Variants in GANC observed in about 807,000 individuals in gnomAD.
GANC encodes the protein neutral alpha-glucosidase C.
A neutral mutation model predicts 124.2 loss-of-function variants in GANC; 117 were observed. The ratio of observed to expected loss-of-function variants is 0.94; its 90% CI spans 0.81 to 1.10. The LOEUF (loss-of-function observed/expected upper bound fraction) is 1.10, where lower values mean the gene tolerates loss of function less well. Ranked by LOEUF, GANC falls within the 50% of genes least tolerant of loss-of-function variation. GANC has a pLI of 0.00. For synonymous variants in GANC, 377 were observed against 376.8 expected (o/e 1.00, Z -0.01); for missense variants, 1,140 against 1,095.0 (o/e 1.04, Z -0.58).
intron 15 of GANC, among the ~76,000 whole-genome samples, chr15:42,331,649 C>T (rs1419903561): frequency 1.3e-5 from 2 of 152,102 alleles, no homozygotes; most frequent in Admixed American, 6.5e-5. Context: ...CAATCTCAGG[C>T]AAAGATTCAT....
chr15:42,337,742 A>T (rs774258117), intron 15 of GANC, among the ~76,000 whole-genome samples: 1 of 152,184 alleles, frequency 6.6e-6, no homozygotes. Flanking sequence ...TGAGCAAAAG[A>T]TTTCTATAGA....
At chr15:42,323,052 T>G (rs993404719) in intron 11 of GANC, among the ~76,000 whole-genome samples, 1 of 152,236 alleles carries the variant, frequency 6.6e-6, no homozygotes, top group Admixed American at 6.5e-5. Flanking sequence ...TATCAAGCTG[T>G]TATGGGCTAG....
At chr15:42,304,422 C>T (rs2051974522) in intron 6 of GANC, among the ~76,000 whole-genome samples, 1 of 152,058 alleles carries the variant, frequency 6.6e-6, no homozygotes, top group Admixed American at 6.6e-5. Context: ...ATGTAAAGGA[C>T]CTCTTCAAGG....
rs530389628 is a variant in GANC, at chr15:42,327,896, C to G, written c.1500+454C>G. Among the ~76,000 whole-genome samples the G allele has an allele frequency of 2.0e-4, 31 of 152,214 alleles. 1 individual carries two copies. In the South Asian group the frequency reaches 6.4e-3, roughly 32 times the overall value. ...CCACATCTGGAGAACTGTTTTCAACCAATTATGATGATATTAATGATGGCA... is the reference window on the plus strand; with the variant it reads ...CCACATCTGGAGAACTGTTTTCAACGAATTATGATGATATTAATGATGGCA... On this transcript the variant is annotated intron_variant, in intron 13 of 23. Coordinates refer to ENST00000318010, the MANE Select transcript of GANC (RefSeq NM_198141.3).
intron 6 of GANC, among the ~76,000 whole-genome samples, chr15:42,298,336 G>A (rs2051911232): frequency 6.6e-6 from 1 of 152,186 alleles, no homozygotes; most frequent in Admixed American, 6.5e-5. Context: ...ACGCAGGGCA[G>A]TGCTGTGGAA....
At chr15:42,330,498 T>G (rs1001767049) in intron 14 of GANC, 78 bp from the exon 15 acceptor site, 27 of 958,344 alleles carry the variant, frequency 2.8e-5, no homozygotes, top group Non-Finnish European at 4.5e-5. Context: ...GTTTGCTTTT[T>G]GTATGTTAGA....
chr15:42,339,045 G>A (rs559755298), intron 16 of GANC, among the ~76,000 whole-genome samples: 7 of 152,254 alleles, frequency 4.6e-5, no homozygotes, highest in Admixed American at 1.3e-4. Flanking sequence ...GGCTCAAGAT[G>A]GCTGCAGTTC....
chr15:42,293,874 C>A (rs994959253), intron 5 of GANC, among the ~76,000 whole-genome samples: 1 of 151,298 alleles, frequency 6.6e-6, no homozygotes, highest in Non-Finnish European at 1.5e-5. Flanking sequence ...CATGGTGAAA[C>A]CCTGTCCTAC....
intron 15 of GANC, among the ~76,000 whole-genome samples, chr15:42,337,728 T>A (rs984683753): frequency 6.6e-6 from 1 of 152,182 alleles, no homozygotes; most frequent in Non-Finnish European, 1.5e-5. Flanking sequence ...ATATTTTTTT[T>A]AAATGAGCAA....
chr15:42,284,029 C>T (rs765628760), intron 3 of GANC: 8 of 701,662 alleles, frequency 1.1e-5, no homozygotes, highest in East Asian at 5.4e-5. Flanking sequence ...CTCTGGATCC[C>T]GGGAGGTCTT....
intron 3 of GANC, among the ~76,000 whole-genome samples, chr15:42,286,509 A>T (rs780669725): frequency 2.6e-5 from 4 of 152,252 alleles, no homozygotes; most frequent in Admixed American, 6.5e-5. Context: ...ATTGTACGCT[A>T]AAAGTAGTTT....
chr15:42,339,680 G>A lies in GANC; in HGVS notation c.1855G>A (p.Gly619Arg), dbSNP rs758930000. The A allele has an allele frequency of 1.9e-5, 30 of 1,612,428 alleles. No homozygotes were observed. Among genetic ancestry groups the A allele is most frequent in the Admixed American group, 6.7e-5 (4 of 59,962 alleles). The change falls in exon 17 of 24, where the codon GGG becomes AGG. Residue 619 changes from glycine to arginine, a missense_variant. Transcript: ENST00000318010. ...GISFCGADIG[G>R]FIGNPETELL... is the part of the protein sequence containing the mutation. ...TCTTTTGCTTCCAGCTGACATAGGC[G>A]GGTTCATTGGGAATCCAGAGACAGA...
At chr15:42,350,326 A>AGCGAGTCG (rs1566963145) in intron 22 of GANC, among the ~76,000 whole-genome samples, 8 of 151,868 alleles carry the variant, frequency 5.3e-5, no homozygotes, top group African/African-American at 1.7e-4. Flanking sequence ...CACTCCGCCC[A>AGCGAGTCG]TCTCCCCGAC....
Position 42,339,652 on chromosome 15 carries a change from C to T in GANC, c.1844-17C>T, listed in dbSNP as rs748005257. On this transcript the variant is annotated splice_polypyrimidine_tract_variant and intron_variant, in intron 16 of 23. Transcript: ENST00000318010. ...TCCAAAGCTTGGTTGCCTCACTTGG[C>T]CTTCTTTTGCTTCCAGCTGACATAG... 4 of 1,607,920 alleles carry T rather than the reference C, an allele frequency of 2.5e-6. No homozygotes were observed. The highest frequency in any genetic ancestry group is 3.4e-5 in the Admixed American group (2 of 59,320).
intron 11 of GANC, among the ~76,000 whole-genome samples, chr15:42,324,017 G>A (rs1189691027): frequency 1.3e-5 from 2 of 152,008 alleles, no homozygotes; most frequent in African/African-American, 4.8e-5. Flanking sequence ...GTATGCATTT[G>A]GAAACATTAC....
At chr15:42,279,315 A>G (rs1194565199) in intron 3 of GANC, among the ~76,000 whole-genome samples, 1 of 152,164 alleles carries the variant, frequency 6.6e-6, no homozygotes, top group Non-Finnish European at 1.5e-5. Flanking sequence ...CACAATGCCC[A>G]TTTGCATGTT....
chr15:42,329,855 T>C (rs185650260), intron 14 of GANC, among the ~76,000 whole-genome samples: 6 of 152,348 alleles, frequency 3.9e-5, no homozygotes, highest in Admixed American at 3.9e-4. Flanking sequence ...ATATTCACAC[T>C]GGAGGAGCAA....
At chr15:42,281,075 C>T (rs1375059577) in intron 3 of GANC, 2 of 702,484 alleles carry the variant, frequency 2.8e-6, no homozygotes, top group South Asian at 1.5e-5. Flanking sequence ...GGGACATCAG[C>T]AACGTAGCTC....
At chr15:42,306,437 C>G (rs1217605219) in intron 6 of GANC, 109 bp from the exon 7 acceptor site, 5 of 827,454 alleles carry the variant, frequency 6.0e-6, no homozygotes, top group Non-Finnish European at 7.7e-6. Context: ...AAAAGATGAA[C>G]TCACTTTCTC....
Sources: allele counts gnomAD v4.1 joint callset (sites outside exome capture counted in the v4.1 genomes callset), GRCh38; gene constraint gnomAD v4.1.1; transcripts MANE v1.5; gene names NCBI Gene and HGNC (gene_info 2026-07-23, HGNC 2026-07-21).